Variants in LINGO2 observed in about 807,000 individuals in gnomAD.
LINGO2 encodes the protein leucine rich repeat and Ig domain containing 2.
Under a neutral mutation model 30.6 loss-of-function variants are expected in LINGO2, and 14 were observed. The observed-to-expected ratio is 0.46, with a 90% CI of 0.30 to 0.72. LINGO2 has a LOEUF of 0.72. Ranked by LOEUF, LINGO2 falls within the 30% of genes least tolerant of loss-of-function variation. The pLI is 0.07. For synonymous variants in LINGO2, 317 were observed against 288.5 expected (o/e 1.10, Z -1.00); for missense variants, 729 against 751.7 (o/e 0.97, Z 0.35).
the LINGO2 span, among the ~76,000 whole-genome samples, chr9:28,818,471 A>G: frequency 4.6e-4 from 70 of 151,958 alleles, no homozygotes; most frequent in African/African-American, 1.6e-3. Flanking sequence ...TGCAACCTCT[A>G]CCTCCTGGGT....
At chr9:29,026,317 T>G in the LINGO2 span, among the ~76,000 whole-genome samples, 2 of 152,134 alleles carry the variant, frequency 1.3e-5, no homozygotes, top group African/African-American at 2.4e-5. Context: ...GACATTGTAA[T>G]TTGACCATGA....
At chr9:28,159,075 C>T (rs1220783188) in intron 4 of LINGO2, among the ~76,000 whole-genome samples, 1 of 152,106 alleles carries the variant, frequency 6.6e-6, no homozygotes, top group East Asian at 1.9e-4. Flanking sequence ...GACAACTCAC[C>T]ATTTTCATGC....
chr9:28,851,279 C>G, the LINGO2 span, among the ~76,000 whole-genome samples: 1 of 152,024 alleles, frequency 6.6e-6, no homozygotes, highest in Non-Finnish European at 1.5e-5. Context: ...TGCTTGCTTC[C>G]ATTCAAGCTT....
intron 2 of LINGO2, among the ~76,000 whole-genome samples, chr9:28,407,547 C>T (rs1056884842): frequency 6.6e-6 from 1 of 152,154 alleles, no homozygotes; most frequent in African/African-American, 2.4e-5. Context: ...TCTAAGGCCA[C>T]AGCACACAAC....
At chr9:28,880,099 A>C in the LINGO2 span, among the ~76,000 whole-genome samples, 1 of 152,288 alleles carries the variant, frequency 6.6e-6, no homozygotes, top group Admixed American at 6.5e-5. Context: ...CTCTGCCCTT[A>C]GAAGAATATT....
chr9:28,171,589 C>T (rs1309881480), intron 4 of LINGO2, among the ~76,000 whole-genome samples: 1 of 152,138 alleles, frequency 6.6e-6, no homozygotes, highest in African/African-American at 2.4e-5. Flanking sequence ...ATGGGATTTA[C>T]ATACTATATA....
intron 1 of LINGO2, among the ~76,000 whole-genome samples, chr9:28,593,369 T>C (rs1825014978): frequency 6.6e-6 from 1 of 152,082 alleles, no homozygotes; most frequent in Non-Finnish European, 1.5e-5. Context: ...ATGAGGATAC[T>C]CTAGTTATGT....
At chr9:28,400,105 C>A (rs1472691799) in intron 2 of LINGO2, among the ~76,000 whole-genome samples, 1 of 152,156 alleles carries the variant, frequency 6.6e-6, no homozygotes, top group Non-Finnish European at 1.5e-5. Flanking sequence ...ATGGGGGTGT[C>A]TGAAGCAGAC....
At chr9:29,031,952 T>A in the LINGO2 span, among the ~76,000 whole-genome samples, 4 of 152,152 alleles carry the variant, frequency 2.6e-5, no homozygotes, top group Admixed American at 6.5e-5. Flanking sequence ...AGAATCTCAT[T>A]TGTCAAAAAT....
At chr9:28,118,534 G>A (rs1462994405) in intron 4 of LINGO2, among the ~76,000 whole-genome samples, 3 of 152,036 alleles carry the variant, frequency 2.0e-5, no homozygotes, top group African/African-American at 4.8e-5. Context: ...TAGAAAATCC[G>A]TGCATATGAG....
upstream of LINGO2, among the ~76,000 whole-genome samples, chr9:28,672,948 A>T (rs956912658): frequency 6.6e-6 from 1 of 152,168 alleles, no homozygotes; most frequent in Non-Finnish European, 1.5e-5. Context: ...TTGGTGAAGT[A>T]AAGAGTATGA....
At chr9:29,048,736 T>C in the LINGO2 span, among the ~76,000 whole-genome samples, 1 of 152,182 alleles carries the variant, frequency 6.6e-6, no homozygotes, top group Admixed American at 6.5e-5. Flanking sequence ...TTTCAATAAA[T>C]GGTGCTGGGA....
the LINGO2 span, among the ~76,000 whole-genome samples, chr9:28,734,563 C>T: frequency 6.6e-6 from 1 of 152,130 alleles, no homozygotes; most frequent in Non-Finnish European, 1.5e-5. Flanking sequence ...CAAGGTCATA[C>T]AGCTGCTAAA....
chr9:28,546,551 A>G (rs538372891), intron 1 of LINGO2, among the ~76,000 whole-genome samples: 8 of 152,208 alleles, frequency 5.3e-5, no homozygotes, highest in African/African-American at 1.9e-4. Context: ...CTTATGATCT[A>G]TTATTAGACA....
At chr9:28,478,938 T>C (rs1451024998) in intron 1 of LINGO2, among the ~76,000 whole-genome samples, 1 of 152,086 alleles carries the variant, frequency 6.6e-6, no homozygotes, top group Admixed American at 6.6e-5. Context: ...TTTTTCTATA[T>C]TTCTGATTCC....
At chr9:28,726,812 G>A in the LINGO2 span, among the ~76,000 whole-genome samples, 4,037 of 152,224 alleles carry the variant, frequency 0.027, 186 homozygotes, top group African/African-American at 0.09. Context: ...GGAACAATAG[G>A]AAAGTCATAT....
chr9:28,743,162 C>T, the LINGO2 span, among the ~76,000 whole-genome samples: 1 of 151,882 alleles, frequency 6.6e-6, no homozygotes. Context: ...CATTCACCAT[C>T]ATTTTTATTA....
the LINGO2 span, among the ~76,000 whole-genome samples, chr9:28,856,241 T>G: frequency 6.6e-6 from 1 of 152,060 alleles, no homozygotes; most frequent in Non-Finnish European, 1.5e-5. Flanking sequence ...TCCACTCTAA[T>G]ATTCTCTTGT....
intron 2 of LINGO2, among the ~76,000 whole-genome samples, chr9:28,433,949 C>CTCTCTCTCTCTCTCTCTATATA (rs1225323260): frequency 5.7e-5 from 5 of 88,480 alleles, no homozygotes; most frequent in African/African-American, 2.2e-4. Flanking sequence ...CTCTCTCTCT[C>CTCTCTCTCTCTCTCTCTATATA]TATATATATA....
Sources: gnomAD v4.1 joint callset for allele counts (sites outside exome capture counted in the v4.1 genomes callset) on GRCh38, gnomAD v4.1.1 for gene constraint, MANE v1.5 for transcripts, NCBI Gene and HGNC (gene_info 2026-07-23, HGNC 2026-07-21) for gene names.